The following C1QTNF3 variants were observed in gnomAD, a reference collection of about 807,000 sequenced individuals.
C1QTNF3 encodes the protein C1q and TNF related 3.
In C1QTNF3, 26 loss-of-function variants were observed where a neutral mutation model predicts 32.6. The ratio of observed to expected loss-of-function variants is 0.80; its 90% confidence interval spans 0.58 to 1.11. The LOEUF (loss-of-function observed/expected upper bound fraction) is 1.11. Ranked by LOEUF, C1QTNF3 falls within the 50% of genes least tolerant of loss-of-function variation. C1QTNF3 has a pLI of 0.00. For synonymous variants in C1QTNF3, 155 were observed against 146.0 expected (o/e 1.06, Z -0.44); for missense variants, 362 against 398.2 (o/e 0.91, Z 0.77).
the C1QTNF3 span, among the ~76,000 whole-genome samples, chr5:34,133,760 C>T: frequency 6.6e-6 from 1 of 152,130 alleles, no homozygotes; most frequent in African/African-American, 2.4e-5. Flanking sequence ...AATTGAAATG[C>T]AACATAATTA....
At chr5:34,209,274 C>G in the C1QTNF3 span, among the ~76,000 whole-genome samples, 7 of 151,656 alleles carry the variant, frequency 4.6e-5, no homozygotes, top group East Asian at 7.7e-4. Context: ...TCAAATGCAG[C>G]TGAATAATTT....
chr5:34,047,656 T>G (rs1459214018), upstream of C1QTNF3, among the ~76,000 whole-genome samples: 2 of 152,242 alleles, frequency 1.3e-5, no homozygotes, highest in Non-Finnish European at 2.9e-5. Flanking sequence ...AATTCTGAGA[T>G]TCTAAAATCA....
the C1QTNF3 span, among the ~76,000 whole-genome samples, chr5:34,111,560 G>GT: frequency 6.7e-6 from 1 of 149,644 alleles, no homozygotes; most frequent in South Asian, 2.1e-4. Flanking sequence ...TTTTTTTTAG[G>GT]TTTTTGTGGC....
the C1QTNF3 span, among the ~76,000 whole-genome samples, chr5:34,135,074 T>C: frequency 6.6e-6 from 1 of 152,216 alleles, no homozygotes; most frequent in Non-Finnish European, 1.5e-5. Flanking sequence ...TAGCTCTTAC[T>C]ATTTTGAGTT....
the C1QTNF3 span, among the ~76,000 whole-genome samples, chr5:34,195,605 G>T: frequency 6.6e-6 from 1 of 152,210 alleles, no homozygotes; most frequent in Admixed American, 6.5e-5. Flanking sequence ...ACTTTGGGAG[G>T]CCGAGGCGGG....
At chr5:34,036,030 T>C (rs921789212) in intron 1 of C1QTNF3, among the ~76,000 whole-genome samples, 1 of 152,154 alleles carries the variant, frequency 6.6e-6, no homozygotes, top group Admixed American at 6.6e-5. Flanking sequence ...TTGGGTCCTA[T>C]TTCTGGAAAG....
At chr5:34,063,241 T>A in the C1QTNF3 span, among the ~76,000 whole-genome samples, 1 of 151,738 alleles carries the variant, frequency 6.6e-6, no homozygotes, top group African/African-American at 2.4e-5. Flanking sequence ...TGACTTTCTG[T>A]CTCTTTCTCT....
At chr5:34,113,176 C>T in the C1QTNF3 span, among the ~76,000 whole-genome samples, 3 of 114,678 alleles carry the variant, frequency 2.6e-5, 1 homozygote, top group African/African-American at 8.1e-5. Context: ...CTATTGGTAA[C>T]CATTAAGTGA....
chr5:34,223,772 T>C, the C1QTNF3 span, among the ~76,000 whole-genome samples: 1 of 152,108 alleles, frequency 6.6e-6, no homozygotes, highest in Non-Finnish European at 1.5e-5. Context: ...ACCACTCCTA[T>C]TCAACATAGT....
chr5:34,175,832 C>T, the C1QTNF3 span: 1 of 784,010 alleles, frequency 1.3e-6, no homozygotes, highest in African/African-American at 1.7e-5. Flanking sequence ...ACTGGTTAGT[C>T]ATGAAATCGG....
At chr5:34,064,751 C>T in the C1QTNF3 span, among the ~76,000 whole-genome samples, 1 of 152,112 alleles carries the variant, frequency 6.6e-6, no homozygotes, top group African/African-American at 2.4e-5. Flanking sequence ...TGCGCAGTTG[C>T]AAGATTTAAT....
the C1QTNF3 span, among the ~76,000 whole-genome samples, chr5:34,172,881 G>A: frequency 1.3e-5 from 2 of 152,032 alleles, no homozygotes; most frequent in African/African-American, 2.4e-5. Flanking sequence ...GTTTAATTCC[G>A]GTTTATTTTG....
At chr5:34,113,315 T>TA in the C1QTNF3 span, among the ~76,000 whole-genome samples, 1 of 151,072 alleles carries the variant, frequency 6.6e-6, no homozygotes, top group Admixed American at 6.6e-5. Flanking sequence ...ATTAGCCAGA[T>TA]ACCATGTGGT....
At chr5:34,156,392 TTTCA>T in the C1QTNF3 span, among the ~76,000 whole-genome samples, 4 of 152,190 alleles carry the variant, frequency 2.6e-5, no homozygotes, top group Non-Finnish European at 5.9e-5. Flanking sequence ...TATAACAGTC[TTTCA>T]TAAAAAATCT....
the C1QTNF3 span, among the ~76,000 whole-genome samples, chr5:34,073,821 T>C: frequency 3.3e-5 from 5 of 151,988 alleles, no homozygotes; most frequent in Admixed American, 3.3e-4. Flanking sequence ...CGTGCCCCTT[T>C]CACCTAAAAC....
intron 4 of C1QTNF3, among the ~76,000 whole-genome samples, chr5:34,028,011 C>T (rs975986472): frequency 7.9e-5 from 12 of 151,496 alleles, no homozygotes; most frequent in Non-Finnish European, 1.8e-4. Flanking sequence ...CTCGCTCTGT[C>T]GCCCAGGCTG....
At chr5:34,099,444 TACC>T in the C1QTNF3 span, among the ~76,000 whole-genome samples, 3 of 152,184 alleles carry the variant, frequency 2.0e-5, no homozygotes, top group Non-Finnish European at 2.9e-5. Context: ...TAAAAAATCA[TACC>T]ATATGAAAAA....
the C1QTNF3 span, among the ~76,000 whole-genome samples, chr5:34,133,019 T>C: frequency 6.6e-6 from 1 of 152,194 alleles, no homozygotes; most frequent in African/African-American, 2.4e-5. Context: ...CGAAGACATA[T>C]ATGAGAACAA....
the C1QTNF3 span, among the ~76,000 whole-genome samples, chr5:34,114,571 C>T: frequency 7.2e-5 from 11 of 151,952 alleles, 1 homozygote. Flanking sequence ...TATTTTATAT[C>T]CACAGAGATG....
Sources: gnomAD v4.1 joint callset for allele counts (sites outside exome capture counted in the v4.1 genomes callset) on GRCh38, gnomAD v4.1.1 for gene constraint, MANE v1.5 for transcripts, NCBI Gene and HGNC (gene_info 2026-07-23, HGNC 2026-07-21) for gene names.